PRDM2: variants seen among roughly 807,000 people sequenced by gnomAD.
PRDM2 encodes PR/SET domain 2.
In PRDM2, 30 loss-of-function variants were observed where a neutral mutation model predicts 130.0. That is an observed-to-expected ratio of 0.23 (90% confidence interval 0.17 to 0.31). PRDM2 has a LOEUF of 0.31. PRDM2 is among the 10% of genes least tolerant of loss of function. The probability of loss-of-function intolerance (pLI) is 1.00; values close to 1 mark genes in which losing one functional copy is unlikely to be tolerated. For missense variants in PRDM2, 2,011 were observed against 2,108.4 expected (o/e 0.95, Z 0.90); for synonymous variants, 871 against 782.4 (o/e 1.11, Z -1.89).
chr1:13,705,936 C>T (rs183512214), intron 1 of PRDM2, among the ~76,000 whole-genome samples: 7 of 145,228 alleles, frequency 4.8e-5, no homozygotes, highest in African/African-American at 1.3e-4. Flanking sequence ...GAGTCGAGAT[C>T]GCGCCACTGC....
intron 8 of PRDM2, among the ~76,000 whole-genome samples, chr1:13,814,524 A>G (rs148770594): frequency 1.3e-5 from 2 of 152,334 alleles, no homozygotes; most frequent in Non-Finnish European, 2.9e-5. Flanking sequence ...CCTTGCCAAC[A>G]TTGACACTGT....
rs1276808846 is a variant in PRDM2, at chr1:13,782,156, C to G, written c.4361C>G (p.Ser1454Cys). Residue 1454 changes from serine to cysteine, a missense_variant, in exon 8 of 10, where the codon TCT becomes TGT. By Grantham distance (112) the Ser-to-Cys change is moderately radical. This residue lies in a region of PRDM2 where 410 missense variants were observed against 395.9 expected (regional missense o/e 1.04). Coordinates refer to ENST00000311066, the MANE Select transcript of PRDM2 (RefSeq NM_001393986.1). ...TTGAAAAATGCTTGTGAGTCATCCTCTCACATCTGCCCTTACTGTAATCGA... is the reference window on the plus strand; with the variant it reads ...TTGAAAAATGCTTGTGAGTCATCCTGTCACATCTGCCCTTACTGTAATCGA... ...ADLKNACESSSHICPYCNREF... is the reference protein window; with the variant it reads ...ADLKNACESSCHICPYCNREF... 1 of 1,613,944 alleles carries G rather than the reference C, an allele frequency of 6.2e-7. No homozygotes were observed. The highest frequency in any genetic ancestry group is 8.5e-7 in the Non-Finnish European group (1 of 1,180,028).
chr1:13,811,300 G>GA (rs1367102627), intron 8 of PRDM2, among the ~76,000 whole-genome samples: 1 of 152,204 alleles, frequency 6.6e-6, no homozygotes, highest in Non-Finnish European at 1.5e-5. Flanking sequence ...CTGGATAAGT[G>GA]AGGCAATGGC....
At chr1:13,757,162 C>G (rs1416795791) in intron 6 of PRDM2, among the ~76,000 whole-genome samples, 1 of 152,230 alleles carries the variant, frequency 6.6e-6, no homozygotes, top group Non-Finnish European at 1.5e-5. Context: ...GTGACACCTT[C>G]AGCTGTTTTT....
chr1:13,711,218 A>C (rs760497474), intron 1 of PRDM2, among the ~76,000 whole-genome samples: 5 of 152,134 alleles, frequency 3.3e-5, no homozygotes, highest in Non-Finnish European at 7.4e-5. Context: ...TGGCCTGGAG[A>C]TACCATGTAT....
At chr1:13,760,712 A>G (rs1557628291) in intron 6 of PRDM2, among the ~76,000 whole-genome samples, 1 of 152,204 alleles carries the variant, frequency 6.6e-6, no homozygotes, top group Non-Finnish European at 1.5e-5. Context: ...TACCTACCCT[A>G]CAAGGTTGCT....
At chr1:13,711,482 G>A (rs1441299735) in intron 1 of PRDM2, among the ~76,000 whole-genome samples, 2 of 152,206 alleles carry the variant, frequency 1.3e-5, no homozygotes, top group African/African-American at 2.4e-5. Context: ...TTGTCAAAAT[G>A]ATTGGAGGCA....
intron 8 of PRDM2, among the ~76,000 whole-genome samples, chr1:13,815,752 G>C (rs924825237): frequency 1.3e-5 from 2 of 152,158 alleles, no homozygotes; most frequent in Admixed American, 6.5e-5. Context: ...TACTGGGGGC[G>C]GTGGTTGGGG....
intron 8 of PRDM2, among the ~76,000 whole-genome samples, chr1:13,792,655 G>A (rs16852976): frequency 0.13 from 19,500 of 152,202 alleles, 1,377 homozygotes; most frequent in Admixed American, 0.23. Flanking sequence ...TCTTTCAACA[G>A]CCAATCTGAA....
chr1:13,773,049 T>C (rs769595744), intron 6 of PRDM2, 29 bp from the exon 7 acceptor site: 2 of 1,248,924 alleles, frequency 1.6e-6, no homozygotes, highest in Admixed American at 3.1e-5. Flanking sequence ...AAAAAATGAA[T>C]GAATAAATTA....
chr1:13,732,073 A>T (rs1211877072), intron 3 of PRDM2, among the ~76,000 whole-genome samples: 1 of 150,828 alleles, frequency 6.6e-6, no homozygotes, highest in Non-Finnish European at 1.5e-5. Context: ...ACCGATCTAA[A>T]GTGATGCTGT....
intron 5 of PRDM2, among the ~76,000 whole-genome samples, chr1:13,748,248 G>A (rs919935236): frequency 3.9e-5 from 6 of 152,122 alleles, no homozygotes; most frequent in African/African-American, 1.4e-4. Context: ...ATATTCTGAG[G>A]CTATGTGTTT....
intron 2 of PRDM2, 36 bp downstream of exon 2, chr1:13,715,650 A>G: frequency 6.4e-7 from 1 of 1,559,318 alleles, no homozygotes; most frequent in Admixed American, 1.9e-5. Flanking sequence ...CAAATACATG[A>G]CCTAGATGTT....
At chr1:13,736,066 G>A (rs758618734) in intron 4 of PRDM2, among the ~76,000 whole-genome samples, 5 of 150,696 alleles carry the variant, frequency 3.3e-5, no homozygotes, top group Non-Finnish European at 7.4e-5. Flanking sequence ...AGTATCTTGT[G>A]GACATATCTA....
chr1:13,780,764 T>G lies in PRDM2; in HGVS notation c.2969T>G (p.Leu990Arg), dbSNP rs1385749489. The G allele has an allele frequency of 2.5e-6, 3 of 1,199,724 alleles. No individual in the cohort carries two copies. The highest frequency in any genetic ancestry group is 3.3e-6 in the Non-Finnish European group (3 of 911,532). 74.3% of individuals were successfully genotyped at this position (1,199,724 alleles called of 1,614,324 possible). ...LTVATPPPPL[L>R]PTVPLPAPSS... ...GTTGCCACTCCGCCCCCTCCCCTCCTTCCTACCGTACCTCTTCCAGCCCCC... is the reference window on the plus strand; with the variant it reads ...GTTGCCACTCCGCCCCCTCCCCTCCGTCCTACCGTACCTCTTCCAGCCCCC... Residue 990 changes from leucine (L) to arginine (R), a missense_variant, in exon 8 of 10, where the codon CTT becomes CGT. This residue lies in a region of PRDM2 where 1,288 missense variants were observed against 1,237.7 expected (regional missense o/e 1.04). Coordinates refer to ENST00000311066, the MANE Select transcript of PRDM2 (RefSeq NM_001393986.1).
chr1:13,778,275 A>C lies in PRDM2; in HGVS notation c.623-143A>C, dbSNP rs559295458. On this transcript the variant is annotated intron_variant, in intron 7 of 9. Transcript: ENST00000311066. The stretch of plus-strand genomic sequence containing the variant: ...ATACAACTTTGTCAATTAAGTATAT[A>C]AAGTAGAAGTAATTTATTGTTCATC... The C allele has an allele frequency of 7.3e-5, 64 of 879,786 alleles. No individual in the cohort carries two copies. In the African/African-American group the frequency reaches 1.0e-3, roughly 14 times the overall value. 54.5% of individuals were successfully genotyped at this position (879,786 alleles called of 1,614,324 possible).
chr1:13,782,562 G>T lies in PRDM2; in HGVS notation c.4767G>T (p.Gly1589=). 1 of 1,614,116 alleles carries T rather than the reference G, an allele frequency of 6.2e-7. No homozygotes were observed. The highest frequency in any genetic ancestry group is 8.5e-7 in the Non-Finnish European group (1 of 1,180,026). ...TGGCCAAAATAACTCATGTTGAGGG[G>T]AAAAAACCTAAAGCTGTGGCCAAGA... is the stretch of plus-strand genomic sequence containing the variant. ...IRMAKITHVE[G]KKPKAVAKNH... is the part of the protein sequence containing the mutation. The change falls in exon 8 of 10, where the codon GGG becomes GGT. Residue 1589 remains glycine, a synonymous_variant. Transcript: ENST00000311066.
Position 13,781,616 on chromosome 1 carries a change from A to G in PRDM2, c.3821A>G (p.Lys1274Arg). The part of the protein sequence containing the change: ...DSSEELYTTI[K>R]IMASGIKTKD... ...TCTGAAGAGCTTTACACGACTATAAAAATAATGGCTTCTGGAATAAAGACA... is the reference window on the plus strand; with the variant it reads ...TCTGAAGAGCTTTACACGACTATAAGAATAATGGCTTCTGGAATAAAGACA... The change falls in exon 8 of 10, where the codon AAA (lysine) becomes AGA (arginine). Residue 1274 changes from lysine (K) to arginine (R), a missense_variant. Physicochemically the swap from Lys to Arg is conservative, Grantham distance 26. This residue lies in a region of PRDM2 where 229 missense variants were observed against 364.1 expected (regional missense o/e 0.63). Transcript: ENST00000311066. This position sits in a 1 kb window ranked among gnomAD's most constrained non-coding sequence, Gnocchi z 6.1. 1 of 1,613,708 alleles carries G rather than the reference A, an allele frequency of 6.2e-7. No individual in the cohort carries two copies. The highest frequency in any genetic ancestry group is 8.5e-7 in the Non-Finnish European group (1 of 1,180,026).
At chr1:13,738,646 AG>A (rs1331872733) in intron 4 of PRDM2, 1 of 152,206 alleles carries the variant, frequency 6.6e-6, no homozygotes, top group Non-Finnish European at 1.5e-5. Flanking sequence ...TCCTCTGACA[AG>A]TGGGCTTATT....
Sources: gnomAD v4.1 joint callset for allele counts (sites outside exome capture counted in the v4.1 genomes callset) on GRCh38, gnomAD v4.1.1 for gene constraint, gnomAD v4.1.1 regional missense constraint, Gnocchi (gnomAD v3.1) non-coding constraint, MANE v1.5 for transcripts, NCBI Gene and HGNC (gene_info 2026-07-23, HGNC 2026-07-21) for gene names.